The following NLK variants were observed in gnomAD, a reference collection of about 807,000 sequenced individuals.
NLK encodes the protein serine/threonine-protein kinase NLK.
Under a neutral mutation model 59.0 loss-of-function variants are expected in NLK, and 11 were observed. That is an observed-to-expected ratio of 0.19 (90% CI 0.12 to 0.31). The LOEUF (loss-of-function observed/expected upper bound fraction) is 0.31, where lower values mean the gene tolerates loss of function less well. Among genes scored for constraint, NLK ranks in the 10% least tolerant of loss-of-function variants. The pLI, the probability that NLK is intolerant of heterozygous loss-of-function variation, is 1.00. For synonymous variants in NLK, 235 were observed against 235.9 expected (o/e 1.00, Z 0.03); for missense variants, 410 against 661.1 (o/e 0.62, Z 4.16).
At chr17:28,129,178 G>A (rs985684373) in intron 2 of NLK, among the ~76,000 whole-genome samples, 3 of 152,190 alleles carry the variant, frequency 2.0e-5, no homozygotes, top group Non-Finnish European at 4.4e-5. Context: ...AAATGGGCTG[G>A]GTGCAGTGTC....
At chr17:28,103,953 TGAAA>T (rs1904988076) in intron 1 of NLK, among the ~76,000 whole-genome samples, 1 of 152,366 alleles carries the variant, frequency 6.6e-6, no homozygotes, top group East Asian at 1.9e-4. Context: ...TTTTTCAACT[TGAAA>T]GAAATTTCCC....
chr17:28,043,374 GT>G (rs1181420442), intron 1 of NLK, 43 bp downstream of exon 1: 1 of 1,464,334 alleles, frequency 6.8e-7, no homozygotes, highest in Non-Finnish European at 9.2e-7. Flanking sequence ...GGTTTCTTCT[GT>G]TGGTTGTCAT....
At chr17:28,056,105 A>G (rs1788465238) in intron 1 of NLK, among the ~76,000 whole-genome samples, 1 of 152,198 alleles carries the variant, frequency 6.6e-6, no homozygotes, top group African/African-American at 2.4e-5. Flanking sequence ...TGTTTACAAG[A>G]CTTTGACCTG....
intron 1 of NLK, among the ~76,000 whole-genome samples, chr17:28,054,593 A>C (rs1909373447): frequency 6.6e-6 from 1 of 152,238 alleles, no homozygotes; most frequent in African/African-American, 2.4e-5. Flanking sequence ...TACAGGGATT[A>C]AATTATACTC....
chr17:28,045,689 A>G (rs1182722635), intron 1 of NLK, among the ~76,000 whole-genome samples: 1 of 152,136 alleles, frequency 6.6e-6, no homozygotes, highest in Admixed American at 6.5e-5. Context: ...TCCTTATTAT[A>G]TTTGAAATTT....
intron 3 of NLK, among the ~76,000 whole-genome samples, chr17:28,155,692 A>G (rs564839455): frequency 3.9e-5 from 6 of 151,970 alleles, no homozygotes; most frequent in African/African-American, 1.4e-4. Flanking sequence ...AGAAAACCAA[A>G]CACCGCATGT....
chr17:28,081,869 C>T (rs905606948), intron 1 of NLK, among the ~76,000 whole-genome samples: 2 of 152,120 alleles, frequency 1.3e-5, no homozygotes, highest in African/African-American at 4.8e-5. Flanking sequence ...CTTCTCCTCT[C>T]TGAAATTCAT....
At chr17:28,061,447 G>A (rs910814231) in intron 1 of NLK, among the ~76,000 whole-genome samples, 1 of 152,084 alleles carries the variant, frequency 6.6e-6, no homozygotes, top group Non-Finnish European at 1.5e-5. Flanking sequence ...AGTTTCTAAC[G>A]TGAATTTGAG....
At chr17:28,176,921 C>T (rs988336297) in intron 7 of NLK, among the ~76,000 whole-genome samples, 1 of 152,020 alleles carries the variant, frequency 6.6e-6, no homozygotes, top group African/African-American at 2.4e-5. Context: ...CCAACTCCAC[C>T]CCCCTAACCC....
chr17:28,167,378 A>G (rs1318647308), intron 5 of NLK, among the ~76,000 whole-genome samples: 1 of 150,098 alleles, frequency 6.7e-6, no homozygotes, highest in African/African-American at 2.4e-5. Context: ...CCGGGACTAC[A>G]GGTGCACACC....
downstream of NLK, among the ~76,000 whole-genome samples, chr17:28,199,665 C>CAAAA (rs1303411168): frequency 1.2e-4 from 4 of 33,588 alleles, no homozygotes; most frequent in East Asian, 9.4e-4. Flanking sequence ...GACTCTGTCT[C>CAAAA]AAAAAAAAAA....
At chr17:28,143,508 G>A (rs1260646949) in intron 3 of NLK, among the ~76,000 whole-genome samples, 1 of 152,126 alleles carries the variant, frequency 6.6e-6, no homozygotes, top group Non-Finnish European at 1.5e-5. Flanking sequence ...ATCTGAAATA[G>A]TAAAGAGAGT....
At chr17:28,149,239 T>TA (rs1907383870) in intron 3 of NLK, among the ~76,000 whole-genome samples, 1 of 152,128 alleles carries the variant, frequency 6.6e-6, no homozygotes, top group South Asian at 2.1e-4. Flanking sequence ...ATTTTTAAAT[T>TA]TTTTTGTAGA....
chr17:28,175,030 GAATATAC>G (rs1908618247), intron 7 of NLK, among the ~76,000 whole-genome samples: 1 of 150,764 alleles, frequency 6.6e-6, no homozygotes, highest in Non-Finnish European at 1.5e-5. Context: ...TTGGTCTTTG[GAATATAC>G]AATATAGCTT....
the NLK span, among the ~76,000 whole-genome samples, chr17:28,201,973 G>A: frequency 6.3e-3 from 957 of 152,174 alleles, 7 homozygotes; most frequent in African/African-American, 0.023. Flanking sequence ...CCAAGACTGC[G>A]CCACTGCACT....
chr17:28,071,297 A>T (rs1047207324), intron 1 of NLK, among the ~76,000 whole-genome samples: 1 of 152,232 alleles, frequency 6.6e-6, no homozygotes, highest in African/African-American at 2.4e-5. Flanking sequence ...TTTTCATATC[A>T]TTACAGAATT....
intron 1 of NLK, among the ~76,000 whole-genome samples, chr17:28,111,847 A>T (rs1235972289): frequency 2.2e-5 from 3 of 133,778 alleles, no homozygotes; most frequent in Non-Finnish European, 4.6e-5. Context: ...ATTTTGAGCT[A>T]ATAAGGCTTA....
intron 1 of NLK, among the ~76,000 whole-genome samples, chr17:28,065,920 T>A (rs893980567): frequency 1.3e-5 from 2 of 152,196 alleles, no homozygotes; most frequent in African/African-American, 4.8e-5. Flanking sequence ...TTCCTCAAGT[T>A]CCTACTCCAC....
chr17:28,132,725 T>G (rs1251498871), intron 3 of NLK, 50 bp downstream of exon 3: 1 of 1,471,936 alleles, frequency 6.8e-7, no homozygotes, highest in East Asian at 2.3e-5. Flanking sequence ...TAAAATTAAT[T>G]TGTTCTTCTA....
Sources: gnomAD v4.1 joint callset for allele counts (sites outside exome capture counted in the v4.1 genomes callset) on GRCh38, gnomAD v4.1.1 for gene constraint, MANE v1.5 for transcripts, NCBI Gene and HGNC (gene_info 2026-07-23, HGNC 2026-07-21) for gene names.